The following C2CD5 variants were observed in gnomAD, a reference collection of about 807,000 sequenced individuals.
C2CD5 encodes the protein C2 calcium dependent domain containing 5.
A neutral mutation model predicts 130.3 loss-of-function variants in C2CD5; 109 were observed. The observed-to-expected ratio is 0.84, with a 90% CI of 0.72 to 0.98. The LOEUF (loss-of-function observed/expected upper bound fraction) is 0.98. Ranked by LOEUF, C2CD5 falls within the 50% of genes least tolerant of loss-of-function variation. The pLI, the probability that C2CD5 is intolerant of heterozygous loss-of-function variation, is 0.00. For missense variants in C2CD5, 996 were observed against 1,261.8 expected (o/e 0.79, Z 3.19); for synonymous variants, 454 against 429.2 (o/e 1.06, Z -0.71).
At chr12:22,520,993 C>G (rs1054893388) in intron 7 of C2CD5, among the ~76,000 whole-genome samples, 1 of 152,060 alleles carries the variant, frequency 6.6e-6, no homozygotes, top group Non-Finnish European at 1.5e-5. Flanking sequence ...TTTTCTGATT[C>G]GATCAGTCTC....
intron 15 of C2CD5, among the ~76,000 whole-genome samples, chr12:22,476,251 C>T (rs569101634): frequency 6.6e-6 from 1 of 152,202 alleles, no homozygotes; most frequent in South Asian, 2.1e-4. Context: ...AGAAGGAACA[C>T]TCTGATCTAC....
At chr12:22,517,897 C>G (rs1949902275) in intron 8 of C2CD5, 89 bp downstream of exon 8, 1 of 1,127,708 alleles carries the variant, frequency 8.9e-7, no homozygotes, top group Non-Finnish European at 1.3e-6. Context: ...GTGCCAAAAA[C>G]AAGAGGAAAG....
At position 22,470,985 on chromosome 12, in the gene C2CD5, G is replaced by C. The variant is rs78674425; in HGVS notation, c.2359-74C>G. 138 of 1,019,880 alleles carry C rather than the reference G, an allele frequency of 1.4e-4. 2 individuals are homozygous for C. The East Asian group carries it at 3.2e-3, about 23-fold the overall frequency. 63.2% of individuals were successfully genotyped at this position (1,019,880 alleles called of 1,614,324 possible). ...CTAAGTTTCTTACATATTTTTTTCAGTACCACGGAACAACCTACACCAAAT... is the reference window on the plus strand; with the variant it reads ...CTAAGTTTCTTACATATTTTTTTCACTACCACGGAACAACCTACACCAAAT... On this transcript the variant is annotated intron_variant, in intron 20 of 26. Coordinates refer to ENST00000446597, the MANE Select transcript of C2CD5 (RefSeq NM_001286176.2).
chr12:22,543,892 C>T lies in C2CD5; in HGVS notation c.90+169G>A, dbSNP rs528104551. Reference sequence around the variant, plus strand: ...GGACGCCTGCAAGCCGTGCACCCATCGCACACACTGAGGTCTCGGCGGTCA... The same window carrying T: ...GGACGCCTGCAAGCCGTGCACCCATTGCACACACTGAGGTCTCGGCGGTCA... On this transcript the variant is annotated intron_variant, in intron 2 of 26. Coordinates refer to ENST00000446597, the MANE Select transcript of C2CD5 (RefSeq NM_001286176.2). 9.9e-5 allele frequency among the ~76,000 whole-genome samples: 15 copies of T among 152,228 alleles called. No individual in the cohort carries two copies. The South Asian group carries it at 3.1e-3, about 32-fold the overall frequency.
At chr12:22,541,545 G>A (rs1369145538) in intron 2 of C2CD5, among the ~76,000 whole-genome samples, 1 of 152,030 alleles carries the variant, frequency 6.6e-6, no homozygotes, top group Non-Finnish European at 1.5e-5. Context: ...CCAGCCACAC[G>A]CATTTTCCTT....
In C2CD5 at chr12:22,544,506, A is replaced by C; in HGVS notation, c.-216T>G. ...TTGTCTCTCCTCCCCCGCTCTCAAA[A>C]ATGGCGGCTCTCGGGGCGCGGAAGA... On this transcript the variant is annotated 5_prime_UTR_variant, in exon 1 of 27. The change creates a new upstream start codon in the 5' untranslated region. Transcript: ENST00000446597. The C allele has an allele frequency of 5.4e-6, 1 of 186,384 alleles. No individual in the cohort carries two copies. Among genetic ancestry groups the C allele is most frequent in the Non-Finnish European group, 1.1e-5 (1 of 90,588 alleles). The allele number at this position is 186,384 out of a possible 1,614,324, so 11.5% of individuals were successfully genotyped here.
chr12:22,452,824 A>G (rs1938991817), intron 26 of C2CD5, among the ~76,000 whole-genome samples: 1 of 152,184 alleles, frequency 6.6e-6, no homozygotes, highest in Non-Finnish European at 1.5e-5. Context: ...CCCAGCCACT[A>G]GGGAAGCTGA....
intron 22 of C2CD5, among the ~76,000 whole-genome samples, chr12:22,465,644 A>C (rs1941942911): frequency 1.3e-5 from 2 of 151,802 alleles, no homozygotes; most frequent in Non-Finnish European, 1.5e-5. Context: ...ATTCCCCCCC[A>C]TTTTGCTCAT....
chr12:22,485,572 G>A (rs2136348779), intron 12 of C2CD5, among the ~76,000 whole-genome samples: 1 of 152,066 alleles, frequency 6.6e-6, no homozygotes. Context: ...CATACTCTAA[G>A]ATTTCTAATT....
At chr12:22,487,485 A>G (rs1203935781) in intron 12 of C2CD5, among the ~76,000 whole-genome samples, 1 of 152,236 alleles carries the variant, frequency 6.6e-6, no homozygotes, top group Non-Finnish European at 1.5e-5. Flanking sequence ...AGAAATGCAA[A>G]TCAAAACCAC....
chr12:22,483,242 A>G (rs1176456411), intron 13 of C2CD5, among the ~76,000 whole-genome samples: 1 of 152,198 alleles, frequency 6.6e-6, no homozygotes, highest in East Asian at 1.9e-4. Context: ...AAATCTCTAA[A>G]AATGAAATAA....
At chr12:22,450,998 G>T (rs916908100) in intron 26 of C2CD5, among the ~76,000 whole-genome samples, 4 of 151,510 alleles carry the variant, frequency 2.6e-5, no homozygotes, top group Non-Finnish European at 5.9e-5. Context: ...TAAACTGGGA[G>T]ATAAAAGAAT....
chr12:22,481,284 A>G (rs1944666660), intron 14 of C2CD5, among the ~76,000 whole-genome samples: 1 of 152,184 alleles, frequency 6.6e-6, no homozygotes, highest in Admixed American at 6.5e-5. Context: ...CTGACCTACA[A>G]ATGTATAGAG....
At chr12:22,507,060 A>G in intron 9 of C2CD5, 1 of 297,790 alleles carries the variant, frequency 3.4e-6, no homozygotes, top group East Asian at 5.8e-5. Flanking sequence ...CTCAATGAAG[A>G]AAAAAAAAGT....
rs540104284 is a variant in C2CD5 at position 22,472,034 on chromosome 12, C to G, written c.2201G>C (p.Ser734Thr). The G allele has an allele frequency of 8.7e-6, 14 of 1,602,296 alleles. No individual in the cohort carries two copies. In the African/African-American group the frequency reaches 1.6e-4, roughly 18 times the overall value. Residue 734 changes from serine (S) to threonine (T), a missense_variant, in exon 19 of 27, where the codon AGC becomes ACC. Physicochemically the swap from Ser to Thr is moderately conservative, Grantham distance 58 (BLOSUM62 1). Coordinates refer to ENST00000446597, the MANE Select transcript of C2CD5 (RefSeq NM_001286176.2). ...AGCTTGATTAGTCAGGTTGAGGCTG[C>G]TTAATCTGATTACTCTTACTGAAGT... Reference protein sequence around the residue: ...MFTSVRVIRLSSLNLTNQALN... With the variant: ...MFTSVRVIRLTSLNLTNQALN...
intron 4 of C2CD5, among the ~76,000 whole-genome samples, chr12:22,527,062 G>A (rs1044662894): frequency 4.6e-5 from 7 of 152,104 alleles, no homozygotes; most frequent in African/African-American, 9.7e-5. Context: ...GCAACTGCCC[G>A]GGAGGCCCTG....
In C2CD5 at chr12:22,474,780, G is replaced by A; in HGVS notation, c.2014C>T (p.His672Tyr). Residue 672 changes from histidine (H) to tyrosine (Y), a missense_variant, in exon 16 of 27, where the codon CAT (histidine) becomes TAT (tyrosine). His to Tyr is a moderately conservative substitution (Grantham distance 83). This residue lies in a region of C2CD5 where 590 missense variants were observed against 631.4 expected (regional missense o/e 0.93). Coordinates refer to ENST00000446597, the MANE Select transcript of C2CD5 (RefSeq NM_001286176.2). Reference protein sequence around the residue: ...SDEVTELDLSHGKKDAFVLEI... With the variant: ...SDEVTELDLSYGKKDAFVLEI... ...AAAACAAAAGCATCTTTTTTCCCAT[G>A]TGAAAGGTCTAATTCTGTAACTTCA... The A allele has an allele frequency of 9.4e-6, 15 of 1,604,028 alleles. No homozygotes were observed. The highest frequency in any genetic ancestry group is 1.2e-5 in the Non-Finnish European group (14 of 1,175,442).
chr12:22,510,293 A>T (rs1324833627), intron 9 of C2CD5, among the ~76,000 whole-genome samples: 5 of 146,428 alleles, frequency 3.4e-5, no homozygotes, highest in Non-Finnish European at 7.4e-5. Context: ...CAGGAACTGC[A>T]GAAGAAATTT....
chr12:22,533,360 C>T (rs1336382534), intron 3 of C2CD5, among the ~76,000 whole-genome samples: 1 of 152,216 alleles, frequency 6.6e-6, no homozygotes, highest in Non-Finnish European at 1.5e-5. Flanking sequence ...ATGTAAAGCA[C>T]TTCACCAGCG....
Sources: allele counts gnomAD v4.1 joint callset (sites outside exome capture counted in the v4.1 genomes callset), GRCh38; gene constraint gnomAD v4.1.1; regional missense constraint gnomAD v4.1.1; transcripts MANE v1.5; gene names NCBI Gene and HGNC (gene_info 2026-07-23, HGNC 2026-07-21).